ABCB7: variants seen among roughly 807,000 people sequenced by gnomAD.
ABCB7 encodes ATP binding cassette subfamily B member 7.
Under a neutral mutation model 54.4 loss-of-function variants are expected in ABCB7, and 7 were observed. The observed-to-expected ratio is 0.13, with a 90% CI of 0.07 to 0.24. The LOEUF is 0.24. Among genes scored for constraint, ABCB7 ranks in the 10% least tolerant of loss-of-function variants. ABCB7 has a pLI of 1.00. For synonymous variants in ABCB7, 218 were observed against 207.1 expected, an observed-to-expected ratio of 1.05 and a Z score of -0.45; for missense variants, 356 against 570.4, an observed-to-expected ratio of 0.62 and a Z score of 3.83.
chrX:75,099,111 T>C, intron 3 of ABCB7, 50 bp from the exon 4 acceptor site: 1 of 1,147,182 alleles, frequency 8.7e-7, no homozygotes, highest in South Asian at 1.8e-5. Context: ...ATTTCAAACA[T>C]AACCATAATT....
intron 4 of ABCB7, among the ~76,000 whole-genome samples, chrX:75,083,897 T>C (rs947142137): frequency 1.8e-5 from 2 of 111,234 alleles, no homozygotes; most frequent in Non-Finnish European, 3.8e-5. Flanking sequence ...ATATTTTACA[T>C]AGCAAAATGA....
chrX:75,062,506 C>T, intron 13 of ABCB7, 75 bp from the exon 14 acceptor site: 1 of 745,826 alleles, frequency 1.3e-6, no homozygotes, highest in East Asian at 3.3e-5. Context: ...CCATTGATTA[C>T]AACCACCAAG....
chrX:75,091,675 G>GAA (rs61662732), intron 4 of ABCB7, among the ~76,000 whole-genome samples: 1,971 of 101,277 alleles, frequency 0.019, 54 homozygotes, highest in African/African-American at 0.067. Flanking sequence ...CAGAAAATCT[G>GAA]AAAAAAAAAA....
intron 14 of ABCB7, 96 bp from the exon 15 acceptor site, chrX:75,060,426 A>G: frequency 1.4e-6 from 1 of 702,400 alleles, no homozygotes; most frequent in East Asian, 3.5e-5. Flanking sequence ...CTAAAGGAAC[A>G]TAAAAAATGC....
Position 75,100,942 on chromosome X carries a change from C to T in ABCB7, c.334-1881G>A, listed in dbSNP as rs760040871. Reference sequence around the variant, plus strand: ...AGCCTAAGTGATACATGTTGGAGAACAGTGTAAATAGAGTGAACACATACA... The same window carrying T: ...AGCCTAAGTGATACATGTTGGAGAATAGTGTAAATAGAGTGAACACATACA... On this transcript the variant is annotated intron_variant, in intron 3 of 15. Coordinates refer to ENST00000373394, the MANE Select transcript of ABCB7 (RefSeq NM_001271696.3). Among the ~76,000 whole-genome samples, 23 of 111,386 alleles carry T rather than the reference C, an allele frequency of 2.1e-4. 1 individual carries two copies. Among genetic ancestry groups the T allele is most frequent in the Admixed American group, 1.7e-3 (18 of 10,488 alleles).
At chrX:75,127,538 T>C (rs1032480360) in intron 1 of ABCB7, among the ~76,000 whole-genome samples, 4 of 111,753 alleles carry the variant, frequency 3.6e-5, no homozygotes, top group East Asian at 5.6e-4. Context: ...CTATTCAACA[T>C]AGTATTGCAA....
At chrX:75,100,614 T>G (rs2081631437) in intron 3 of ABCB7, among the ~76,000 whole-genome samples, 1 of 111,504 alleles carries the variant, frequency 9.0e-6, no homozygotes, top group Non-Finnish European at 1.9e-5. Flanking sequence ...AATAATGTCT[T>G]CCCCAGCCCA....
At chrX:75,123,436 T>C (rs909130563) in intron 1 of ABCB7, among the ~76,000 whole-genome samples, 2 of 111,879 alleles carry the variant, frequency 1.8e-5, no homozygotes, top group Non-Finnish European at 3.8e-5. Context: ...AATACAGCTT[T>C]GTAATTTGAA....
At chrX:75,114,860 A>G (rs1473477430) in intron 1 of ABCB7, 29 bp from the exon 2 acceptor site, 1 of 1,077,897 alleles carries the variant, frequency 9.3e-7, no homozygotes, top group Non-Finnish European at 1.3e-6. Flanking sequence ...AGTAGGGGGA[A>G]GTTTCAGAGT....
chrX:75,108,200 C>T (rs2081722294), intron 3 of ABCB7, among the ~76,000 whole-genome samples: 1 of 111,201 alleles, frequency 9.0e-6, no homozygotes, highest in Non-Finnish European at 1.9e-5. Context: ...ACCTGGCAGA[C>T]TTCTAAGGTT....
At chrX:75,098,501 T>C (rs1241087589) in intron 4 of ABCB7, among the ~76,000 whole-genome samples, 1 of 111,057 alleles carries the variant, frequency 9.0e-6, no homozygotes, top group Non-Finnish European at 1.9e-5. Context: ...TTTTGTTTTG[T>C]TTTTTTAGCT....
intron 4 of ABCB7, among the ~76,000 whole-genome samples, chrX:75,097,720 C>CTCCT (rs1387073425): frequency 9.0e-6 from 1 of 111,432 alleles, no homozygotes; most frequent in African/African-American, 3.3e-5. Flanking sequence ...ATAGCCAAAC[C>CTCCT]TCCTTTATGC....
At chrX:75,084,144 G>T (rs1259028149) in intron 4 of ABCB7, among the ~76,000 whole-genome samples, 2 of 111,438 alleles carry the variant, frequency 1.8e-5, no homozygotes, top group African/African-American at 3.3e-5. Context: ...GCAGGAAAAG[G>T]CAAGGAAATA....
chrX:75,129,552 A>C (rs1055785863), intron 1 of ABCB7, among the ~76,000 whole-genome samples: 1 of 108,419 alleles, frequency 9.2e-6, no homozygotes, highest in African/African-American at 3.4e-5. Context: ...CTATGTAACA[A>C]ACCTGCACGT....
intron 4 of ABCB7, among the ~76,000 whole-genome samples, chrX:75,081,989 T>C (rs1329596281): frequency 9.1e-6 from 1 of 109,829 alleles, no homozygotes; most frequent in East Asian, 2.8e-4. Context: ...CCATCCTTTA[T>C]TGAGTCCCAG....
At chrX:75,126,847 G>C (rs1448184323) in intron 1 of ABCB7, among the ~76,000 whole-genome samples, 1 of 111,329 alleles carries the variant, frequency 9.0e-6, no homozygotes, top group Non-Finnish European at 1.9e-5. Context: ...ACCCTCCCAA[G>C]ACTAAACCAG....
rs190150921 is a variant in ABCB7 at position 75,141,084 on chromosome X, T to A, written c.168+15021A>T. Reference sequence around the variant, plus strand: ...CTCTTGTCAATATGTTGGCATTTTTTAATTTCATTTTTCTCTAAAAAAGAT... The same window carrying A: ...CTCTTGTCAATATGTTGGCATTTTTAAATTTCATTTTTCTCTAAAAAAGAT... On this transcript the variant is annotated intron_variant, in intron 1 of 15. Coordinates refer to ENST00000373394, the MANE Select transcript of ABCB7 (RefSeq NM_001271696.3). 3.8e-3 allele frequency among the ~76,000 whole-genome samples: 431 copies of A among 111,954 alleles called. 2 individuals carry two copies. Among genetic ancestry groups the A allele is most frequent in the Non-Finnish European group, 4.0e-3 (212 of 53,178 alleles).
intron 3 of ABCB7, among the ~76,000 whole-genome samples, 170 bp from the exon 4 acceptor site, chrX:75,099,231 A>C (rs923086736): frequency 1.8e-5 from 2 of 111,848 alleles, no homozygotes; most frequent in Non-Finnish European, 3.8e-5. Flanking sequence ...TTTAGAGAAA[A>C]ATTATTTCAA....
intron 3 of ABCB7, among the ~76,000 whole-genome samples, chrX:75,103,671 T>C (rs898193859): frequency 1.8e-5 from 2 of 110,982 alleles, no homozygotes; most frequent in African/African-American, 6.5e-5. Flanking sequence ...ATAACTATCC[T>C]TGTAGAGATC....
Sources: allele counts gnomAD v4.1 joint callset (sites outside exome capture counted in the v4.1 genomes callset), GRCh38; gene constraint gnomAD v4.1.1; transcripts MANE v1.5; gene names NCBI Gene and HGNC (gene_info 2026-07-23, HGNC 2026-07-21).